Variants in ASTN2 observed in about 807,000 individuals in gnomAD.
The protein encoded by ASTN2 is astrotactin 2.
ASTN2 carries 54 observed loss-of-function variants against 139.8 expected under a neutral mutation model. That is an observed-to-expected ratio of 0.39 (90% CI 0.31 to 0.48). The LOEUF (loss-of-function observed/expected upper bound fraction) is 0.48, where lower values mean the gene tolerates loss of function less well. Among genes scored for constraint, ASTN2 ranks in the 20% least tolerant of loss-of-function variants. The pLI is 0.95. For missense variants in ASTN2, 1,565 were observed against 1,725.1 expected, an observed-to-expected ratio of 0.91 and a Z score of 1.64; for synonymous variants, 756 against 719.5, an observed-to-expected ratio of 1.05 and a Z score of -0.81.
chr9:116,837,704 A>C (rs10983371), intron 11 of ASTN2, among the ~76,000 whole-genome samples: 30,421 of 152,250 alleles, frequency 0.2, 3,640 homozygotes, highest in Middle Eastern at 0.29. Flanking sequence ...AGAAGGAAAA[A>C]CAACCAACTT....
At chr9:116,917,386 G>C (rs1834478711) in intron 10 of ASTN2, among the ~76,000 whole-genome samples, 1 of 151,922 alleles carries the variant, frequency 6.6e-6, no homozygotes, top group East Asian at 1.9e-4. Flanking sequence ...ATGTCTACTT[G>C]GATCATGATT....
chr9:116,549,085 C>T (rs1852226731), intron 19 of ASTN2, among the ~76,000 whole-genome samples: 1 of 151,878 alleles, frequency 6.6e-6, no homozygotes, highest in Non-Finnish European at 1.5e-5. Flanking sequence ...AATTGGGGCC[C>T]CAAACTAAGG....
intron 5 of ASTN2, among the ~76,000 whole-genome samples, chr9:117,085,992 A>C (rs1354414567): frequency 6.6e-6 from 1 of 152,210 alleles, no homozygotes; most frequent in East Asian, 1.9e-4. Context: ...CATCTGTAAA[A>C]TGGAGAGAAG....
Position 117,379,258 on chromosome 9 carries a change from T to A in ASTN2, c.442+35239A>T, listed in dbSNP as rs111671591. 5.8e-3 allele frequency among the ~76,000 whole-genome samples: 888 copies of A among 152,246 alleles called. 14 individuals are homozygous for A. Among genetic ancestry groups the A allele is most frequent in the African/African-American group, 0.02 (845 of 41,544 alleles). On this transcript the variant is annotated intron_variant, in intron 1 of 22. Transcript: ENST00000313400. ...GATATGCTTCCCCACCACGACAGTC[T>A]AGAGCCGGGCGTAGGCAGCGAAAAA...
intron 2 of ASTN2, among the ~76,000 whole-genome samples, chr9:117,282,060 C>A (rs1400157978): frequency 1.3e-5 from 2 of 152,128 alleles, no homozygotes; most frequent in African/African-American, 4.8e-5. Flanking sequence ...TTTTTATTCT[C>A]TGTTTCATTT....
At chr9:116,748,965 G>T (rs1047936712) in intron 13 of ASTN2, among the ~76,000 whole-genome samples, 3 of 152,142 alleles carry the variant, frequency 2.0e-5, no homozygotes, top group Non-Finnish European at 4.4e-5. Flanking sequence ...GACACCTTAT[G>T]TCTTCTCTCT....
chr9:117,389,518 T>C (rs1302779700), intron 1 of ASTN2, among the ~76,000 whole-genome samples: 1 of 152,124 alleles, frequency 6.6e-6, no homozygotes, highest in African/African-American at 2.4e-5. Context: ...CTGTAGCCCT[T>C]TTGAAGGAGT....
rs139457899 is a variant in ASTN2, at chr9:117,157,419, G to A, written c.1016-15941C>T. ...CTCATGCAAGGAATTATACCAAGATGAAGTTAAATTAAAGCTGGACTGAGT... is the reference window on the plus strand; with the variant it reads ...CTCATGCAAGGAATTATACCAAGATAAAGTTAAATTAAAGCTGGACTGAGT... On this transcript the variant is annotated intron_variant, in intron 3 of 22. Coordinates refer to ENST00000313400, the MANE Select transcript of ASTN2 (RefSeq NM_001365068.1). Among the ~76,000 whole-genome samples, 512 of 152,110 alleles carry A rather than the reference G, an allele frequency of 3.4e-3. 7 individuals are homozygous for A. The highest frequency in any genetic ancestry group is 0.012 in the African/African-American group (499 of 41,528).
chr9:117,045,959 T>TGTATGTATGTATGTATGTACGTACGTAC (rs1564399710), intron 5 of ASTN2, among the ~76,000 whole-genome samples: 20 of 22,552 alleles, frequency 8.9e-4, no homozygotes, highest in African/African-American at 1.9e-3. Flanking sequence ...GGCTTTTGTA[T>TGTATGTATGTATGTATGTACGTACGTAC]GTATGTATGT....
chr9:117,350,902 C>T (rs1321724475), intron 1 of ASTN2, among the ~76,000 whole-genome samples: 1 of 152,194 alleles, frequency 6.6e-6, no homozygotes, highest in Admixed American at 6.5e-5. Context: ...GTGGAGATAA[C>T]AGCACGTTAA....
At chr9:116,656,505 A>C (rs1023730726) in intron 16 of ASTN2, among the ~76,000 whole-genome samples, 4 of 152,080 alleles carry the variant, frequency 2.6e-5, no homozygotes, top group Non-Finnish European at 5.9e-5. Context: ...TTTTGAAGAG[A>C]CTTATCCTCT....
chr9:117,085,477 G>A (rs1828537221), intron 5 of ASTN2, among the ~76,000 whole-genome samples: 1 of 152,164 alleles, frequency 6.6e-6, no homozygotes, highest in South Asian at 2.1e-4. Flanking sequence ...GAGTACAATA[G>A]GCTCTCGATA....
intron 15 of ASTN2, among the ~76,000 whole-genome samples, chr9:116,728,318 C>T (rs1439435921): frequency 1.3e-5 from 2 of 152,026 alleles, no homozygotes; most frequent in South Asian, 4.2e-4. Context: ...CCGAGAATTC[C>T]GTGAGTTGTT....
At chr9:116,634,460 G>A (rs952083633) in intron 17 of ASTN2, among the ~76,000 whole-genome samples, 1 of 151,658 alleles carries the variant, frequency 6.6e-6, no homozygotes, top group Non-Finnish European at 1.5e-5. Flanking sequence ...CGTGGTAGCG[G>A]GCGCCTGTAG....
At chr9:117,055,685 G>C (rs560908320) in intron 5 of ASTN2, among the ~76,000 whole-genome samples, 1 of 152,124 alleles carries the variant, frequency 6.6e-6, no homozygotes, top group Admixed American at 6.5e-5. Context: ...ATCAGTCTTC[G>C]AGTACATGGA....
chr9:117,317,524 C>A (rs1278618073), intron 1 of ASTN2, among the ~76,000 whole-genome samples: 1 of 152,150 alleles, frequency 6.6e-6, no homozygotes, highest in South Asian at 2.1e-4. Context: ...TAACTGGTTC[C>A]AAGATAGCTA....
intron 7 of ASTN2, among the ~76,000 whole-genome samples, chr9:116,995,966 A>AG (rs1837001048): frequency 6.6e-6 from 1 of 152,074 alleles, no homozygotes; most frequent in African/African-American, 2.4e-5. Flanking sequence ...TCAGCCTCCA[A>AG]GTGGCTAGGA....
intron 2 of ASTN2, among the ~76,000 whole-genome samples, chr9:117,258,431 T>C (rs1406678580): frequency 2.0e-5 from 3 of 152,176 alleles, no homozygotes; most frequent in African/African-American, 7.2e-5. Flanking sequence ...CCTTTTCCTG[T>C]TCATTTGGAA....
At chr9:117,022,216 T>C (rs1008042095) in intron 6 of ASTN2, among the ~76,000 whole-genome samples, 6 of 152,046 alleles carry the variant, frequency 3.9e-5, no homozygotes, top group Non-Finnish European at 8.8e-5. Flanking sequence ...ACATTAAAAG[T>C]GAGTGATTTG....
Sources: allele counts gnomAD v4.1 joint callset (sites outside exome capture counted in the v4.1 genomes callset), GRCh38; gene constraint gnomAD v4.1.1; transcripts MANE v1.5; gene names NCBI Gene and HGNC (gene_info 2026-07-23, HGNC 2026-07-21).